TTBK2: variants seen among roughly 807,000 people sequenced by gnomAD.
TTBK2 encodes tau tubulin kinase 2.
In TTBK2, 28 loss-of-function variants were observed where a neutral mutation model predicts 110.8. The ratio of observed to expected loss-of-function variants is 0.25; its 90% CI spans 0.19 to 0.35. The LOEUF (loss-of-function observed/expected upper bound fraction) is 0.35, where lower values mean the gene tolerates loss of function less well. Among genes scored for constraint, TTBK2 ranks in the 10% least tolerant of loss-of-function variants. The pLI, the probability that TTBK2 is intolerant of heterozygous loss-of-function variation, is 1.00. For synonymous variants in TTBK2, 532 were observed against 527.3 expected (o/e 1.01, Z -0.12); for missense variants, 1,369 against 1,500.3 (o/e 0.91, Z 1.45).
intron 3 of TTBK2, among the ~76,000 whole-genome samples, chr15:42,871,909 T>C (rs1894630457): frequency 6.6e-6 from 1 of 152,146 alleles, no homozygotes. Context: ...AAAATGATCA[T>C]CCCTATTTAA....
chr15:42,795,990 A>C (rs558578063), intron 9 of TTBK2, among the ~76,000 whole-genome samples: 2 of 152,290 alleles, frequency 1.3e-5, no homozygotes, highest in East Asian at 3.9e-4. Flanking sequence ...AAAGGTGATA[A>C]GAACTGCACA....
chr15:42,804,026 A>AG (rs1891343049), intron 9 of TTBK2, among the ~76,000 whole-genome samples: 1 of 150,374 alleles, frequency 6.7e-6, no homozygotes, highest in African/African-American at 2.5e-5. Flanking sequence ...AAAAAAAAAA[A>AG]AAAAAGAGAG....
intron 14 of TTBK2, among the ~76,000 whole-genome samples, chr15:42,747,390 C>T (rs911058565): frequency 6.6e-6 from 1 of 152,198 alleles, no homozygotes; most frequent in African/African-American, 2.4e-5. Context: ...TTTTTATAAA[C>T]TACAAAGCAG....
chr15:42,766,517 A>G (rs935437172), intron 13 of TTBK2, among the ~76,000 whole-genome samples: 1 of 151,116 alleles, frequency 6.6e-6, no homozygotes, highest in Non-Finnish European at 1.5e-5. Flanking sequence ...AAACCAACAA[A>G]GATCAAAACA....
At chr15:42,876,044 G>A (rs1894810232) in intron 2 of TTBK2, among the ~76,000 whole-genome samples, 1 of 151,998 alleles carries the variant, frequency 6.6e-6, no homozygotes, top group South Asian at 2.1e-4. Context: ...TACCGGACAA[G>A]TGAGTGAAGA....
intron 7 of TTBK2, among the ~76,000 whole-genome samples, chr15:42,816,151 C>G (rs1296026259): frequency 7.6e-6 from 1 of 132,126 alleles, no homozygotes; most frequent in Non-Finnish European, 1.5e-5. Flanking sequence ...GAGTCTTGCT[C>G]TGTTGCCCAG....
intron 13 of TTBK2, among the ~76,000 whole-genome samples, chr15:42,754,309 G>A (rs1187456791): frequency 6.6e-6 from 1 of 151,996 alleles, no homozygotes. Context: ...TCGAACTCCT[G>A]AGCTCAAGTG....
rs765968361 is a variant in TTBK2 at position 42,794,742 on chromosome 15, A to G, written c.882T>C (p.Pro294=). ...CATTTCCAGTCTTCTCCCAGTCAAA[A>G]GGGTCACTCTCAATTACTCCAAAAG... ...IKTFGVIESD[P]FDWEKTGNDG... Residue 294 remains proline (P), a synonymous_variant, in exon 10 of 15, where the codon CCT becomes CCC. Coordinates refer to ENST00000267890, the MANE Select transcript of TTBK2 (RefSeq NM_173500.4). 206 of 1,614,066 alleles carry G rather than the reference A, an allele frequency of 1.3e-4. No homozygotes were observed. Among genetic ancestry groups the G allele is most frequent in the Non-Finnish European group, 1.7e-4 (205 of 1,180,044 alleles).
Position 42,914,001 on chromosome 15 carries a change from G to A in TTBK2, c.-68+6437C>T, listed in dbSNP as rs567161987. 4.7e-5 allele frequency among the ~76,000 whole-genome samples: 7 copies of A among 150,304 alleles called. No homozygotes were observed. In the South Asian group the frequency reaches 1.5e-3, roughly 32 times the overall value. ...ACTTCCTTTTTTTTTTTTTGAGATGGAGTTTTGCTCTGTCACCCAGGCTGG... is the reference window on the plus strand; with the variant it reads ...ACTTCCTTTTTTTTTTTTTGAGATGAAGTTTTGCTCTGTCACCCAGGCTGG... On this transcript the variant is annotated intron_variant, in intron 1 of 14. Coordinates refer to ENST00000267890, the MANE Select transcript of TTBK2 (RefSeq NM_173500.4).
intron 10 of TTBK2, among the ~76,000 whole-genome samples, chr15:42,794,241 T>C (rs1668956804): frequency 6.6e-6 from 1 of 152,128 alleles, no homozygotes; most frequent in Admixed American, 6.5e-5. Flanking sequence ...ATTATGAAGG[T>C]TAAATCACTT....
intron 9 of TTBK2, chr15:42,801,360 T>C (rs1304373868): frequency 2.7e-6 from 4 of 1,497,594 alleles, no homozygotes; most frequent in South Asian, 2.2e-5. Context: ...CTCAGACAGC[T>C]TGGCATTGGC....
chr15:42,807,692 C>T (rs1405325074), intron 9 of TTBK2, among the ~76,000 whole-genome samples: 11 of 152,108 alleles, frequency 7.2e-5, no homozygotes, highest in Admixed American at 3.9e-4. Context: ...CTGCCTCAAT[C>T]GCCCAAGGTG....
At chr15:42,802,034 G>T in intron 9 of TTBK2, 1 of 1,475,120 alleles carries the variant, frequency 6.8e-7, no homozygotes, top group Non-Finnish European at 9.4e-7. Flanking sequence ...TTCTGCTGCT[G>T]CACGAGGCTC....
intron 1 of TTBK2, among the ~76,000 whole-genome samples, chr15:42,909,248 C>CCTCCT (rs1436088151): frequency 1.3e-5 from 2 of 152,216 alleles, no homozygotes; most frequent in Non-Finnish European, 2.9e-5. Context: ...CCTAAGCGAT[C>CCTCCT]CTCCTGCCTC....
chr15:42,840,383 T>G lies in TTBK2; in HGVS notation c.268A>C (p.Asn90His). 6.2e-7 allele frequency: 1 copy of G among 1,614,010 alleles called. No individual in the cohort carries two copies. The highest frequency in any genetic ancestry group is 8.5e-7 in the Non-Finnish European group (1 of 1,179,944). Residue 90 changes from asparagine to histidine, a missense_variant, in exon 4 of 15, where the codon AAC (asparagine) becomes CAC (histidine). Physicochemically the swap from Asn to His is moderately conservative, Grantham distance 68. Coordinates refer to ENST00000267890, the MANE Select transcript of TTBK2 (RefSeq NM_173500.4). ...ACCTGCAACTGCATGACCACATAGTTGAATCGATCATTCCTCCCACAGCCA... is the reference window on the plus strand; with the variant it reads ...ACCTGCAACTGCATGACCACATAGTGGAATCGATCATTCCTCCCACAGCCA... Reference protein sequence around the residue: ...FIGCGRNDRFNYVVMQLQGRN... With the variant: ...FIGCGRNDRFHYVVMQLQGRN...
rs2061789991 is a variant in TTBK2 at position 42,746,028 on chromosome 15, G to T, written c.3502C>A (p.Pro1168Thr). ...TGGTGGGGCCGTCCAGCCCTAGATG[G>T]TGAGGAACTAGACGTGCGAGGCAAG... ...SSLPRTSSSS[P>T]SRAGRPHHDQ... Residue 1168 changes from proline (P) to threonine (T), a missense_variant, in exon 15 of 15, where the codon CCA becomes ACA. By Grantham distance (38) the Pro-to-Thr change is conservative. Transcript: ENST00000267890. 2 of 1,614,184 alleles carry T rather than the reference G, an allele frequency of 1.2e-6. No homozygotes were observed. Among genetic ancestry groups the T allele is most frequent in the Non-Finnish European group, 1.7e-6 (2 of 1,180,038 alleles).
intron 6 of TTBK2, 130 bp downstream of exon 6, chr15:42,827,798 A>G (rs1329082257): frequency 1.3e-6 from 1 of 756,382 alleles, no homozygotes; most frequent in Non-Finnish European, 2.2e-6. Flanking sequence ...CTATAATTTA[A>G]TCATTAAATG....
chr15:42,906,382 T>A (rs1461138841), intron 1 of TTBK2, among the ~76,000 whole-genome samples: 1 of 152,168 alleles, frequency 6.6e-6, no homozygotes, highest in Non-Finnish European at 1.5e-5. Flanking sequence ...CAAATTCATA[T>A]AAAAATATTT....
At chr15:42,897,308 CAG>C (rs1349269640) in intron 1 of TTBK2, among the ~76,000 whole-genome samples, 2 of 152,058 alleles carry the variant, frequency 1.3e-5, no homozygotes, top group African/African-American at 4.8e-5. Flanking sequence ...GATTATGTAA[CAG>C]AGATCTATAA....
Sources: gnomAD v4.1 joint callset for allele counts (sites outside exome capture counted in the v4.1 genomes callset) on GRCh38, gnomAD v4.1.1 for gene constraint, MANE v1.5 for transcripts, NCBI Gene and HGNC (gene_info 2026-07-23, HGNC 2026-07-21) for gene names.